IFTAP: variants seen among roughly 807,000 people sequenced by gnomAD.
IFTAP encodes the protein intraflagellar transport-associated protein.
In IFTAP, 19 loss-of-function variants were observed where a neutral mutation model predicts 19.4. The observed-to-expected ratio is 0.98, with a 90% CI of 0.68 to 1.44. The LOEUF is 1.44. Among genes scored for constraint, IFTAP ranks in the 40% most tolerant of loss-of-function variants. The pLI is 0.00. For missense variants in IFTAP, 240 were observed against 253.6 expected (o/e 0.95, Z 0.36); for synonymous variants, 85 against 83.5 (o/e 1.02, Z -0.10).
intron 4 of IFTAP, among the ~76,000 whole-genome samples, chr11:36,645,017 A>C (rs894711066): frequency 6.8e-6 from 1 of 148,066 alleles, no homozygotes; most frequent in African/African-American, 2.6e-5. Context: ...TAATAATAAT[A>C]AAGAAGTGAT....
Position 36,633,514 on chromosome 11 carries a change from C to T in IFTAP, c.291+76C>T. 3 of 1,154,866 alleles carry T rather than the reference C, an allele frequency of 2.6e-6. No individual in the cohort carries two copies. The South Asian group carries it at 7.3e-5, about 28-fold the overall frequency. 71.5% of individuals were successfully genotyped at this position (1,154,866 alleles called of 1,614,324 possible). A position where few individuals can be genotyped will look rare whatever the true frequency, so the allele number is the denominator to read the frequency against. ...CTTCATGAATCAAAAAAAAGAGACC[C>T]TACTAAACACTAGACAGTTATTAGA... On this transcript the variant is annotated intron_variant, in intron 3 of 5. Coordinates refer to ENST00000334307, the MANE Select transcript of IFTAP (RefSeq NM_138787.4).
intron 1 of IFTAP, among the ~76,000 whole-genome samples, chr11:36,606,466 C>T (rs1481166708): frequency 1.4e-5 from 2 of 147,758 alleles, no homozygotes; most frequent in Non-Finnish European, 3.0e-5. Context: ...AATAAATAGT[C>T]AATAAAAACA....
chr11:36,622,965 G>T (rs1044227875), intron 2 of IFTAP, among the ~76,000 whole-genome samples: 9 of 152,114 alleles, frequency 5.9e-5, no homozygotes, highest in Non-Finnish European at 1.2e-4. Flanking sequence ...GCCTCTGGTG[G>T]ATGGATGCAA....
intron 5 of IFTAP, 70 bp downstream of exon 5, chr11:36,648,225 C>G: frequency 6.6e-7 from 1 of 1,509,102 alleles, no homozygotes; most frequent in Non-Finnish European, 8.9e-7. Flanking sequence ...CAAAGAAATG[C>G]TGCATGCTTC....
chr11:36,605,916 T>G (rs561459969), intron 1 of IFTAP, among the ~76,000 whole-genome samples: 3 of 152,350 alleles, frequency 2.0e-5, no homozygotes, highest in South Asian at 2.1e-4. Context: ...AGAAAAATAC[T>G]TCGTGATAAA....
intron 2 of IFTAP, among the ~76,000 whole-genome samples, chr11:36,632,853 C>A (rs774499591): frequency 6.6e-6 from 1 of 151,006 alleles, no homozygotes; most frequent in Non-Finnish European, 1.5e-5. Context: ...TTTGTTGTGG[C>A]CTTTCTGGCT....
chr11:36,650,867 C>A (rs1853693573), intron 5 of IFTAP, among the ~76,000 whole-genome samples: 4 of 152,088 alleles, frequency 2.6e-5, no homozygotes, highest in African/African-American at 9.7e-5. Flanking sequence ...CATCCATGTC[C>A]CTGCAAAGGA....
chr11:36,617,229 T>A (rs544254953), intron 2 of IFTAP, among the ~76,000 whole-genome samples: 11 of 148,818 alleles, frequency 7.4e-5, no homozygotes, highest in Non-Finnish European at 1.2e-4. Flanking sequence ...ATATTTATTT[T>A]TTTGTATATT....
chr11:36,614,519 G>C (rs1851996376), intron 2 of IFTAP, among the ~76,000 whole-genome samples: 1 of 148,602 alleles, frequency 6.7e-6, no homozygotes, highest in Admixed American at 6.7e-5. Flanking sequence ...GGTTGAACTA[G>C]TTTACAGTCC....
intron 5 of IFTAP, among the ~76,000 whole-genome samples, chr11:36,651,535 G>C (rs1017257202): frequency 1.2e-4 from 19 of 152,158 alleles, no homozygotes; most frequent in African/African-American, 4.6e-4. Flanking sequence ...TTCTTTTGCT[G>C]TGCAGAAGCT....
intron 4 of IFTAP, among the ~76,000 whole-genome samples, chr11:36,642,120 AAAG>A (rs1853235525): frequency 6.6e-6 from 1 of 152,218 alleles, no homozygotes; most frequent in Non-Finnish European, 1.5e-5. Flanking sequence ...CAAGACTAAT[AAAG>A]AAGAAAAGAG....
chr11:36,651,607 T>C (rs1853731191), intron 5 of IFTAP, among the ~76,000 whole-genome samples: 1 of 152,206 alleles, frequency 6.6e-6, no homozygotes, highest in Admixed American at 6.5e-5. Flanking sequence ...TTTTGGTGTT[T>C]TAGACATGAA....
intron 5 of IFTAP, among the ~76,000 whole-genome samples, chr11:36,649,663 C>T (rs1853627699): frequency 6.6e-6 from 1 of 151,872 alleles, no homozygotes; most frequent in African/African-American, 2.4e-5. Flanking sequence ...CAGTATAAAT[C>T]AAGTTGAGAC....
intron 5 of IFTAP, among the ~76,000 whole-genome samples, chr11:36,651,798 A>T (rs184500664): frequency 0.012 from 1,819 of 152,272 alleles, 21 homozygotes; most frequent in East Asian, 0.031. Context: ...AGCACCATTT[A>T]TTTAATAGGG....
intron 5 of IFTAP, among the ~76,000 whole-genome samples, chr11:36,652,506 A>C (rs1002945229): frequency 6.6e-6 from 1 of 152,126 alleles, no homozygotes; most frequent in Non-Finnish European, 1.5e-5. Flanking sequence ...AAACAGGGAC[A>C]ATTTGACTTC....
At chr11:36,656,982 T>C (rs1045435364) in intron 5 of IFTAP, among the ~76,000 whole-genome samples, 1 of 152,004 alleles carries the variant, frequency 6.6e-6, no homozygotes, top group African/African-American at 2.4e-5. Flanking sequence ...TAGTAAGGTG[T>C]AGGCAGGTTT....
At chr11:36,625,030 T>G (rs374792655) in intron 2 of IFTAP, among the ~76,000 whole-genome samples, 3 of 152,182 alleles carry the variant, frequency 2.0e-5, no homozygotes, top group East Asian at 3.8e-4. Context: ...TTCTGAAATT[T>G]TTTATGTTTA....
chr11:36,633,417 A>T lies in IFTAP; in HGVS notation c.270A>T (p.Ser90=). The change falls in exon 3 of 6, where the codon TCA becomes TCT. Residue 90 remains serine (S), a synonymous_variant. Coordinates refer to ENST00000334307, the MANE Select transcript of IFTAP (RefSeq NM_138787.4). ...ATAAAACCATCTTTCTTCGTACTTC[A>T]TCACAATGTTTGGAAGAACAGGTAA... ...LRNKTIFLRT[S]SQCLEEQVDN... is the part of the protein sequence containing the mutation. 6.3e-7 allele frequency: 1 copy of T among 1,596,156 alleles called. No homozygotes were observed. Among genetic ancestry groups the T allele is most frequent in the Non-Finnish European group, 8.5e-7 (1 of 1,172,292 alleles).
chr11:36,609,694 C>T (rs775294534), intron 1 of IFTAP, among the ~76,000 whole-genome samples: 6 of 152,128 alleles, frequency 3.9e-5, no homozygotes, highest in Non-Finnish European at 5.9e-5. Flanking sequence ...ACCTGGTACA[C>T]AGTAACTGCT....
Sources: allele counts gnomAD v4.1 joint callset (sites outside exome capture counted in the v4.1 genomes callset), GRCh38; gene constraint gnomAD v4.1.1; transcripts MANE v1.5; gene names NCBI Gene and HGNC (gene_info 2026-07-23, HGNC 2026-07-21).